ASB7: variants seen among roughly 807,000 people sequenced by gnomAD.
ASB7 encodes the protein ankyrin repeat and SOCS box containing 7, also known as ankyrin repeat and SOCS box protein 7.
Under a neutral mutation model 32.5 loss-of-function variants are expected in ASB7, and 4 were observed. The ratio of observed to expected loss-of-function variants is 0.12; its 90% CI spans 0.06 to 0.28. ASB7 has a LOEUF of 0.28. ASB7 is among the 10% of genes least tolerant of loss of function. The pLI, the probability that ASB7 is intolerant of heterozygous loss-of-function variation, is 1.00. For synonymous variants in ASB7, 172 were observed against 155.6 expected, an observed-to-expected ratio of 1.11 and a Z score of -0.78; for missense variants, 181 against 407.1, an observed-to-expected ratio of 0.44 and a Z score of 4.78.
At chr15:100,631,005 G>A (rs529238396) in intron 5 of ASB7, among the ~76,000 whole-genome samples, 2 of 152,192 alleles carry the variant, frequency 1.3e-5, no homozygotes, top group African/African-American at 2.4e-5. Flanking sequence ...TGACCTGCTT[G>A]TAAGTAACCC....
intron 3 of ASB7, among the ~76,000 whole-genome samples, chr15:100,610,644 T>C (rs1241732035): frequency 6.6e-6 from 1 of 152,228 alleles, no homozygotes; most frequent in African/African-American, 2.4e-5. Context: ...TAAAACAACA[T>C]AGGATATTTG....
intron 5 of ASB7, chr15:100,646,607 T>C (rs1349782564): frequency 5.8e-6 from 2 of 345,558 alleles, no homozygotes; most frequent in East Asian, 6.8e-5. Context: ...ACATCATTGA[T>C]GGCCTATTTC....
intron 2 of ASB7, among the ~76,000 whole-genome samples, chr15:100,609,076 T>C (rs771192708): frequency 7.9e-5 from 12 of 152,236 alleles, no homozygotes; most frequent in Non-Finnish European, 1.5e-4. Context: ...GAAAGATCCC[T>C]TTTCTTTTAG....
At chr15:100,622,105 C>T (rs750801019) in intron 4 of ASB7, among the ~76,000 whole-genome samples, 11 of 151,004 alleles carry the variant, frequency 7.3e-5, no homozygotes, top group Non-Finnish European at 1.3e-4. Context: ...TTGTAGGATA[C>T]AAAATCAACA....
intron 2 of ASB7, among the ~76,000 whole-genome samples, chr15:100,606,192 G>GTT (rs149022631): frequency 1.0e-4 from 15 of 149,544 alleles, no homozygotes; most frequent in Admixed American, 2.7e-4. Flanking sequence ...TTGAAGGATT[G>GTT]TTTTTTTTTT....
chr15:100,639,346 G>A (rs996451298), intron 5 of ASB7, among the ~76,000 whole-genome samples: 6 of 152,168 alleles, frequency 3.9e-5, no homozygotes, highest in Non-Finnish European at 8.8e-5. Flanking sequence ...CAGTAGTCAA[G>A]TACTGTGTTC....
At chr15:100,616,079 C>T (rs547160662) in intron 4 of ASB7, among the ~76,000 whole-genome samples, 3 of 152,240 alleles carry the variant, frequency 2.0e-5, no homozygotes, top group African/African-American at 7.2e-5. Context: ...CCTTACTGAC[C>T]GGGCAGGATA....
rs2040028346 is a variant in ASB7, at chr15:100,650,992, GT to G, written c.*2536del. ...ATATTTTCAGAAAAATCAACCGATTGTTTTTTCCAGAAACAGAACAGAAAAT... is the reference window on the plus strand; with the variant it reads ...ATATTTTCAGAAAAATCAACCGATTGTTTTTCCAGAAACAGAACAGAAAAT... On this transcript the variant is annotated 3_prime_UTR_variant, in exon 6 of 6. Transcript: ENST00000332783. The G allele has an allele frequency of 6.6e-6, 1 of 152,106 alleles. No homozygotes were observed. Among genetic ancestry groups the G allele is most frequent in the Non-Finnish European group, 1.5e-5 (1 of 67,988 alleles). The allele number at this position is 152,106 out of a possible 1,614,324, so 9.4% of individuals were successfully genotyped here. A position where few individuals can be genotyped will look rare whatever the true frequency, so the allele number is the denominator to read the frequency against.
At chr15:100,630,435 T>C (rs1189667248) in intron 5 of ASB7, among the ~76,000 whole-genome samples, 1 of 152,242 alleles carries the variant, frequency 6.6e-6, no homozygotes, top group Non-Finnish European at 1.5e-5. Context: ...CTTAGATTCC[T>C]TACCTGTGAA....
intron 5 of ASB7, chr15:100,646,257 C>T (rs748351523): frequency 2.5e-6 from 1 of 396,708 alleles, no homozygotes; most frequent in Non-Finnish European, 5.0e-6. Context: ...CCACAATTGT[C>T]AATGTTGACT....
At chr15:100,608,655 G>A (rs1200471178) in intron 2 of ASB7, among the ~76,000 whole-genome samples, 2 of 152,134 alleles carry the variant, frequency 1.3e-5, no homozygotes, top group Non-Finnish European at 2.9e-5. Flanking sequence ...ATGTTTCACA[G>A]CTTGCTTTGT....
Position 100,629,291 on chromosome 15 carries a change from C to A in ASB7, c.212-146C>A. On this transcript the variant is annotated intron_variant, in intron 4 of 5. Coordinates refer to ENST00000332783, the MANE Select transcript of ASB7 (RefSeq NM_198243.3). This position sits in a 1 kb window ranked among gnomAD's most constrained non-coding sequence, Gnocchi z 6.8. ...CCATTAAAACCAGACTTGAATTAAA[C>A]TGAGGAAAAACGTACTTGATATTCA... The A allele has an allele frequency of 1.4e-6, 1 of 725,592 alleles. No individual in the cohort carries two copies. Among genetic ancestry groups the A allele is most frequent in the South Asian group, 1.9e-5 (1 of 52,062 alleles). 44.9% of individuals were successfully genotyped at this position (725,592 alleles called of 1,614,324 possible).
chr15:100,648,429 A>G lies in ASB7; in HGVS notation c.924A>G (p.Lys308=). Residue 308 remains lysine (K), a synonymous_variant, in exon 6 of 6, where the codon AAA becomes AAG. Coordinates refer to ENST00000332783, the MANE Select transcript of ASB7 (RefSeq NM_198243.3). ...AACTACCAATTGCCAAGGTCATGAAAGACTACTTAAAACACAAATTTGATG... is the reference window on the plus strand; with the variant it reads ...AACTACCAATTGCCAAGGTCATGAAGGACTACTTAAAACACAAATTTGATG... The part of the protein sequence containing the change: ...LDELPIAKVM[K]DYLKHKFDDI 1 of 1,610,088 alleles carries G rather than the reference A, an allele frequency of 6.2e-7. No individual in the cohort carries two copies. Among genetic ancestry groups the G allele is most frequent in the Non-Finnish European group, 8.5e-7 (1 of 1,176,608 alleles).
intron 4 of ASB7, among the ~76,000 whole-genome samples, chr15:100,618,249 T>A (rs968406306): frequency 6.6e-6 from 1 of 152,114 alleles, no homozygotes; most frequent in Non-Finnish European, 1.5e-5. Context: ...TCCGAGTAGC[T>A]GGGACTACAG....
intron 2 of ASB7, among the ~76,000 whole-genome samples, chr15:100,604,788 G>A (rs748743184): frequency 4.3e-4 from 66 of 152,254 alleles, no homozygotes; most frequent in Admixed American, 1.2e-3. Flanking sequence ...AAAGCTACCC[G>A]GAAATCTTTA....
In ASB7 at chr15:100,633,703, GA is replaced by G. The variant is rs148885871; in HGVS notation, c.817+3669del. On this transcript the variant is annotated intron_variant, in intron 5 of 5. Transcript: ENST00000332783. Reference sequence around the variant, plus strand: ...AGGAAGGAGGGGAAGGAAGGAGGAAGAAAAAAAAGAGAAATAAATGGTAGTG... The same window carrying G: ...AGGAAGGAGGGGAAGGAAGGAGGAAGAAAAAAAGAGAAATAAATGGTAGTG... 5.1e-3 allele frequency among the ~76,000 whole-genome samples: 776 copies of G among 150,792 alleles called. 3 individuals carry two copies. Among genetic ancestry groups the G allele is most frequent in the Non-Finnish European group, 8.0e-3 (544 of 67,590 alleles).
At position 100,651,528 on chromosome 15, in the gene ASB7, T is replaced by G. The variant is rs970309932; in HGVS notation, c.*3066T>G. 1 of 152,232 alleles carries G rather than the reference T, an allele frequency of 6.6e-6. No homozygotes were observed. Among genetic ancestry groups the G allele is most frequent in the Non-Finnish European group, 1.5e-5 (1 of 68,040 alleles). 9.4% of individuals were successfully genotyped at this position (152,232 alleles called of 1,614,324 possible). Reference sequence around the variant, plus strand: ...CCATACGAAATTGAGATTCTAACTTTCCTGCAGGAGTGCTCATGAGCCCAG... The same window carrying G: ...CCATACGAAATTGAGATTCTAACTTGCCTGCAGGAGTGCTCATGAGCCCAG... On this transcript the variant is annotated 3_prime_UTR_variant, in exon 6 of 6. Transcript: ENST00000332783.
rs117832834 is a variant in ASB7 at position 100,645,312 on chromosome 15, T to C, written c.818-3011T>C. On this transcript the variant is annotated intron_variant, in intron 5 of 5. Transcript: ENST00000332783. The stretch of plus-strand genomic sequence containing the variant: ...TAGGTGTTATGAAGGGTGAAAACTT[T>C]ATATAAACTTCAAAAGGCTGCTTTC... 3.8e-3 allele frequency: 790 copies of C among 210,212 alleles called. 7 individuals are homozygous for C. Among genetic ancestry groups the C allele is most frequent in the Middle Eastern group, 5.8e-3 (3 of 516 alleles). The allele number at this position is 210,212 out of a possible 1,614,324, so 13.0% of individuals were successfully genotyped here. A position where few individuals can be genotyped will look rare whatever the true frequency, so the allele number is the denominator to read the frequency against.
chr15:100,635,547 A>AGTGCCCTTGTTTCT (rs1174333852), intron 5 of ASB7, among the ~76,000 whole-genome samples: 37 of 152,322 alleles, frequency 2.4e-4, no homozygotes, highest in African/African-American at 8.7e-4. Flanking sequence ...CGGTCCCTGC[A>AGTGCCCTTGTTTCT]GTGCCCTTGT....
Sources: gnomAD v4.1 joint callset for allele counts (sites outside exome capture counted in the v4.1 genomes callset) on GRCh38, gnomAD v4.1.1 for gene constraint, Gnocchi (gnomAD v3.1) non-coding constraint, MANE v1.5 for transcripts, NCBI Gene and HGNC (gene_info 2026-07-23, HGNC 2026-07-21) for gene names.